ASTN1: variants seen among roughly 807,000 people sequenced by gnomAD.
ASTN1 encodes astrotactin-1.
In ASTN1, 41 loss-of-function variants were observed where a neutral mutation model predicts 140.7. That is an observed-to-expected ratio of 0.29 (90% CI 0.23 to 0.38). ASTN1 has a LOEUF of 0.38. Among genes scored for constraint, ASTN1 ranks in the 10% least tolerant of loss-of-function variants. ASTN1 has a pLI of 1.00. For missense variants in ASTN1, 1,479 were observed against 1,678.8 expected (o/e 0.88, Z 2.08); for synonymous variants, 640 against 652.2 (o/e 0.98, Z 0.29).
At chr1:177,017,681 GAGAGCCC>G (rs1381369490) in intron 7 of ASTN1, among the ~76,000 whole-genome samples, 1 of 152,174 alleles carries the variant, frequency 6.6e-6, no homozygotes, top group Non-Finnish European at 1.5e-5. Context: ...TGGTACGGAG[GAGAGCCC>G]AGCCAGACAG....
chr1:176,971,929 C>T (rs1287100592), intron 8 of ASTN1, among the ~76,000 whole-genome samples: 1 of 152,134 alleles, frequency 6.6e-6, no homozygotes, highest in Non-Finnish European at 1.5e-5. Context: ...GATGAGGATA[C>T]ATTCTGAGAA....
At chr1:176,987,587 G>A (rs1378687586) in intron 8 of ASTN1, among the ~76,000 whole-genome samples, 1 of 152,132 alleles carries the variant, frequency 6.6e-6, no homozygotes, top group Non-Finnish European at 1.5e-5. Context: ...CTCCTGTCAG[G>A]ATCCATTGCC....
At chr1:177,078,926 T>C (rs774520196) in intron 1 of ASTN1, among the ~76,000 whole-genome samples, 12 of 152,114 alleles carry the variant, frequency 7.9e-5, no homozygotes, top group Non-Finnish European at 1.5e-4. Context: ...AAAGGGATAC[T>C]GTCATGTAAA....
chr1:176,863,850 C>A lies in ASTN1; in HGVS notation c.*434G>T, dbSNP rs976283328. The A allele has an allele frequency of 5.0e-6, 5 of 999,086 alleles. No homozygotes were observed. In the Admixed American group the frequency reaches 1.6e-4, roughly 32 times the overall value. The allele number at this position is 999,086 out of a possible 1,614,324, so 61.9% of individuals were successfully genotyped here. On this transcript the variant is annotated 3_prime_UTR_variant, in exon 23 of 23. Transcript: ENST00000361833. Reference sequence around the variant, plus strand: ...GAGGAATGCTTGAGGGTGGGGCCTGCGGCAGGCCTAACAACTTTCTGGCCT... The same window carrying A: ...GAGGAATGCTTGAGGGTGGGGCCTGAGGCAGGCCTAACAACTTTCTGGCCT...
At chr1:177,015,791 C>A (rs1048461232) in intron 7 of ASTN1, among the ~76,000 whole-genome samples, 5 of 152,196 alleles carry the variant, frequency 3.3e-5, no homozygotes, top group Admixed American at 6.5e-5. Context: ...TATTTACTAC[C>A]GATTTTGAAG....
chr1:177,094,401 A>G (rs991620527), intron 1 of ASTN1, among the ~76,000 whole-genome samples: 10 of 152,202 alleles, frequency 6.6e-5, no homozygotes, highest in African/African-American at 2.2e-4. Context: ...TTTTCTATGT[A>G]TAATCCAATT....
At chr1:176,963,352 G>C (rs773200196) in intron 9 of ASTN1, among the ~76,000 whole-genome samples, 8 of 152,292 alleles carry the variant, frequency 5.3e-5, no homozygotes, top group Non-Finnish European at 1.0e-4. Context: ...TCGTTGGTAG[G>C]TGGTTTACTC....
chr1:177,112,255 C>T (rs1680856730), intron 1 of ASTN1, among the ~76,000 whole-genome samples: 3 of 152,216 alleles, frequency 2.0e-5, no homozygotes, highest in Admixed American at 2.0e-4. Context: ...AAAAAAAATA[C>T]TTATTACCAT....
Position 177,159,244 on chromosome 1 carries a change from T to C in ASTN1, c.283+5150A>G, listed in dbSNP as rs773229805. On this transcript the variant is annotated intron_variant, in intron 1 of 22. Transcript: ENST00000361833. ...ATTTCTGTAGAGAAACAGTAAATAATAACCCTCTCAATACTATAAATGAGC... is the reference window on the plus strand; with the variant it reads ...ATTTCTGTAGAGAAACAGTAAATAACAACCCTCTCAATACTATAAATGAGC... 1.9e-4 allele frequency among the ~76,000 whole-genome samples: 29 copies of C among 152,140 alleles called. 1 individual carries two copies. The highest frequency in any genetic ancestry group is 2.9e-5 in the Non-Finnish European group (2 of 68,022).
intron 2 of ASTN1, among the ~76,000 whole-genome samples, chr1:177,059,103 T>G (rs1234814252): frequency 1.3e-5 from 2 of 152,190 alleles, no homozygotes; most frequent in Non-Finnish European, 2.9e-5. Context: ...TATACACCTT[T>G]CTTTACCTTA....
intron 21 of ASTN1, among the ~76,000 whole-genome samples, chr1:176,875,656 T>C (rs972998174): frequency 2.6e-5 from 4 of 152,186 alleles, no homozygotes; most frequent in African/African-American, 7.2e-5. Context: ...AGGAGCCATA[T>C]ATAAGATGAT....
chr1:176,969,038 G>A (rs144619792), intron 8 of ASTN1, among the ~76,000 whole-genome samples: 330 of 152,262 alleles, frequency 2.2e-3, no homozygotes, highest in Admixed American at 4.8e-3. Context: ...GTAATGAAGA[G>A]CTGGACGTAA....
At chr1:177,115,851 C>T (rs867501440) in intron 1 of ASTN1, among the ~76,000 whole-genome samples, 7 of 150,492 alleles carry the variant, frequency 4.7e-5, no homozygotes, top group African/African-American at 7.4e-5. Flanking sequence ...TCCTCTATGC[C>T]GATGTATCTA....
Position 177,097,768 on chromosome 1 carries a change from G to A in ASTN1, c.284-36503C>T, listed in dbSNP as rs185049055. ...CCTTCAGCCCCACCCCAGACCTTCAGTGAGAAAAAAAGGGCTGGAGATTGC... is the reference window on the plus strand; with the variant it reads ...CCTTCAGCCCCACCCCAGACCTTCAATGAGAAAAAAAGGGCTGGAGATTGC... On this transcript the variant is annotated intron_variant, in intron 1 of 22. Transcript: ENST00000361833. Among the ~76,000 whole-genome samples, 255 of 152,124 alleles carry A rather than the reference G, an allele frequency of 1.7e-3. 1 individual carries two copies. Among genetic ancestry groups the A allele is most frequent in the African/African-American group, 5.7e-3 (237 of 41,514 alleles).
intron 1 of ASTN1, among the ~76,000 whole-genome samples, chr1:177,141,173 G>A (rs888597774): frequency 1.3e-5 from 2 of 152,128 alleles, no homozygotes; most frequent in Non-Finnish European, 2.9e-5. Flanking sequence ...CTGAGGTCGT[G>A]CCATTGCACT....
At chr1:177,138,713 T>C (rs563481749) in intron 1 of ASTN1, among the ~76,000 whole-genome samples, 1 of 152,308 alleles carries the variant, frequency 6.6e-6, no homozygotes, top group South Asian at 2.1e-4. Flanking sequence ...AAAGCTTTCA[T>C]TAATCAGGAT....
chr1:177,088,836 G>C (rs752163573), intron 1 of ASTN1, among the ~76,000 whole-genome samples: 2 of 151,978 alleles, frequency 1.3e-5, no homozygotes, highest in African/African-American at 2.4e-5. Context: ...AGTTTTCTTT[G>C]CTCTCTTCTT....
intron 16 of ASTN1, among the ~76,000 whole-genome samples, chr1:176,896,018 G>A (rs749572032): frequency 2.4e-4 from 37 of 152,138 alleles, no homozygotes; most frequent in Admixed American, 2.1e-3. Context: ...CTGGTTGGAA[G>A]GATTTTTAAA....
intron 7 of ASTN1, among the ~76,000 whole-genome samples, chr1:177,019,704 T>C (rs560536831): frequency 1.1e-4 from 17 of 152,270 alleles, no homozygotes; most frequent in African/African-American, 4.1e-4. Context: ...AGGTAGCATG[T>C]TGCTAGAATA....
Sources: gnomAD v4.1 joint callset for allele counts (sites outside exome capture counted in the v4.1 genomes callset) on GRCh38, gnomAD v4.1.1 for gene constraint, MANE v1.5 for transcripts, NCBI Gene and HGNC (gene_info 2026-07-23, HGNC 2026-07-21) for gene names.